The following MANF variants were observed in gnomAD, a reference collection of about 807,000 sequenced individuals.
MANF encodes the protein mesencephalic astrocyte-derived neurotrophic factor.
MANF carries 9 observed loss-of-function variants against 19.1 expected under a neutral mutation model. The observed-to-expected ratio is 0.47, with a 90% CI of 0.28 to 0.82. MANF has a LOEUF of 0.82. MANF is among the 40% of genes least tolerant of loss of function. The probability of loss-of-function intolerance (pLI) is 0.10; values close to 1 mark genes in which losing one functional copy is unlikely to be tolerated. For missense variants in MANF, 225 were observed against 226.7 expected (o/e 0.99, Z 0.05); for synonymous variants, 89 against 88.0 (o/e 1.01, Z -0.06).
chr3:51,386,039 G>A, intron 1 of MANF, 169 bp from the exon 2 acceptor site: 1 of 671,138 alleles, frequency 1.5e-6, no homozygotes, highest in Non-Finnish European at 2.5e-6. Flanking sequence ...CCGCCACTTG[G>A]AACCGGGTTC....
At chr3:51,386,487 G>A (rs1381720224) in intron 2 of MANF, among the ~76,000 whole-genome samples, 152 bp downstream of exon 2, 2 of 152,200 alleles carry the variant, frequency 1.3e-5, no homozygotes, top group African/African-American at 4.8e-5. Flanking sequence ...GTGCTTCTAT[G>A]TCCTTCCCAA....
chr3:51,385,763 G>T, intron 1 of MANF: 1 of 295,498 alleles, frequency 3.4e-6, no homozygotes, highest in Non-Finnish European at 6.2e-6. Flanking sequence ...GGAGCTCCAG[G>T]GCTGGCCGTG....
intron 3 of MANF, 86 bp from the exon 4 acceptor site, chr3:51,388,819 C>T: frequency 3.9e-6 from 4 of 1,033,598 alleles, no homozygotes; most frequent in South Asian, 3.6e-5. Context: ...GCTGGTTTGG[C>T]CGTTCAGGGA....
At position 51,388,887 on chromosome 3, in the gene MANF, C is replaced by T. The variant is rs1553621144; in HGVS notation, c.365-18C>T. 1 of 1,546,620 alleles carries T rather than the reference C, an allele frequency of 6.5e-7. No homozygotes were observed. The highest frequency in any genetic ancestry group is 2.0e-5 in the Admixed American group (1 of 50,026). On this transcript the variant is annotated intron_variant, in intron 3 of 3. Coordinates refer to ENST00000528157, the MANE Select transcript of MANF (RefSeq NM_006010.6). The stretch of plus-strand genomic sequence containing the variant: ...GGTGCTCCACCCAGTCAGTGACTCT[C>T]CCTGCTCTCTCCTCCAGACAAGCAG...
chr3:51,388,430 C>G (rs916327866), intron 3 of MANF, among the ~76,000 whole-genome samples: 26 of 152,198 alleles, frequency 1.7e-4, no homozygotes, highest in African/African-American at 6.3e-4. Context: ...AGGGCCTCTT[C>G]TGAAAAACTT....
intron 3 of MANF, 83 bp downstream of exon 3, chr3:51,387,961 A>G: frequency 7.2e-7 from 1 of 1,383,956 alleles, no homozygotes; most frequent in Non-Finnish European, 1.0e-6. Flanking sequence ...ATGATGAGCT[A>G]GAGTCATGAG....
At position 51,385,310 on chromosome 3, in the gene MANF, C is replaced by CGGA. The variant is rs1553620634; in HGVS notation, c.-11_-9dup. 4,139 of 1,153,300 alleles carry CGGA rather than the reference C, an allele frequency of 3.6e-3. 7 individuals are homozygous for CGGA. The highest frequency in any genetic ancestry group is 6.2e-3 in the East Asian group (194 of 31,052). The allele number at this position is 1,153,300 out of a possible 1,614,324, so 71.4% of individuals were successfully genotyped here. A position where few individuals can be genotyped will look rare whatever the true frequency, so the allele number is the denominator to read the frequency against. On this transcript the variant is annotated 5_prime_UTR_variant, in exon 1 of 4. In the 5' UTR this introduces an upstream ATG that the reference lacks. Transcript: ENST00000528157. ...CGGTTCAGTCGGTCGGCGGCGGCAG[C>CGGA]GGAGGAGGAGGAGGAGGAGGAGGAT...
Position 51,386,300 on chromosome 3 carries a change from T to A in MANF, c.187T>A (p.Phe63Ile). 1 of 1,613,946 alleles carries A rather than the reference T, an allele frequency of 6.2e-7. No individual in the cohort carries two copies. Among genetic ancestry groups the A allele is most frequent in the Non-Finnish European group, 8.5e-7 (1 of 1,179,872 alleles). Residue 63 changes from phenylalanine (F) to isoleucine (I), a missense_variant, in exon 2 of 4, where the codon TTC becomes ATC. Phe to Ile is a conservative substitution (Grantham distance 21). Coordinates refer to ENST00000528157, the MANE Select transcript of MANF (RefSeq NM_006010.6). ...CACTATTGAAAACGAACTTATAAAG[T>A]TCTGCCGGGAAGCAAGAGGCAAAGA... ...PATIENELIK[F>I]CREARGKENR...
At chr3:51,387,448 CAAAACTTTATCTCAAAAA>C (rs1553621025) in intron 2 of MANF, among the ~76,000 whole-genome samples, 3 of 146,626 alleles carry the variant, frequency 2.0e-5, no homozygotes, top group Non-Finnish European at 4.5e-5. Context: ...GGTGACAGAG[CAAAACTTTATCTCAAAAA>C]AAAAAAAAAA....
intron 2 of MANF, among the ~76,000 whole-genome samples, chr3:51,387,461 CAAA>C (rs111442102): frequency 7.4e-6 from 1 of 135,318 alleles, no homozygotes. Context: ...AACTTTATCT[CAAA>C]AAAAAAAAAA....
intron 1 of MANF, chr3:51,385,918 G>A: frequency 2.6e-6 from 1 of 380,256 alleles, no homozygotes. Flanking sequence ...CCCGTCTCAA[G>A]GACACGTGTT....
Position 51,386,251 on chromosome 3 carries a change from CAG to C in MANF, c.142_143del (p.Asp48CysfsTer9). 6.2e-7 allele frequency: 1 copy of C among 1,613,722 alleles called. No individual in the cohort carries two copies. The highest frequency in any genetic ancestry group is 8.5e-7 in the Non-Finnish European group (1 of 1,179,716). On this transcript the variant is annotated frameshift_variant, in exon 2 of 4. Coordinates refer to ENST00000528157, the MANE Select transcript of MANF (RefSeq NM_006010.6). LOFTEE classifies it high-confidence loss of function. ...GAAGATTTTACCAGGACCTCAAAGA[CAG>C]AGATGTCACATTCTCACCAGCCACT... ...LGRFYQDLKD[R>X]DVTFSPATIE... is the part of the protein sequence containing the mutation.
In MANF at chr3:51,386,315, A is replaced by G. The variant is rs782528554; in HGVS notation, c.202A>G (p.Arg68Gly). Residue 68 changes from arginine (R) to glycine (G), a missense_variant, in exon 2 of 4, where the codon AGA (arginine) becomes GGA (glycine). By Grantham distance (125) the Arg-to-Gly change is moderately radical. Coordinates refer to ENST00000528157, the MANE Select transcript of MANF (RefSeq NM_006010.6). The part of the protein sequence containing the change: ...NELIKFCREA[R>G]GKENRLCYYI... ...ACTTATAAAGTTCTGCCGGGAAGCA[A>G]GAGGCAAAGAGAATCGGTTGGTAAG... 55 of 1,613,810 alleles carry G rather than the reference A, an allele frequency of 3.4e-5. 1 individual carries two copies. The South Asian group carries it at 4.8e-4, about 14-fold the overall frequency.
chr3:51,385,326 GGAGGAGGATGAGGAGGAT>G lies in MANF; in HGVS notation c.-6_12del, dbSNP rs782289304. On this transcript the variant is annotated start_lost and 5_prime_UTR_variant, in exon 1 of 4. Coordinates refer to ENST00000528157, the MANE Select transcript of MANF (RefSeq NM_006010.6). ...CGGCGGCAGCGGAGGAGGAGGAGGA[GGAGGAGGATGAGGAGGAT>G]GAGGAGGATGTGGGCCACGCAGGGG... 5.8e-6 allele frequency: 7 copies of G among 1,203,162 alleles called. No individual in the cohort carries two copies. Among genetic ancestry groups the G allele is most frequent in the Admixed American group, 8.5e-5 (2 of 23,544 alleles). The allele number at this position is 1,203,162 out of a possible 1,614,324, so 74.5% of individuals were successfully genotyped here.
Position 51,385,401 on chromosome 3 carries a change from C to T in MANF, c.59C>T (p.Pro20Leu), listed in dbSNP as rs868972658. 8.9e-6 allele frequency: 11 copies of T among 1,237,534 alleles called. No individual in the cohort carries two copies. In the South Asian group the frequency reaches 1.6e-4, roughly 18 times the overall value. The allele number at this position is 1,237,534 out of a possible 1,614,324, so 76.7% of individuals were successfully genotyped here. ...LAVALALSVL[P>L]GSRALRPGDC... is the part of the protein sequence containing the mutation. Reference sequence around the variant, plus strand: ...GTGGCGCTGGCTCTGAGCGTGCTGCCGGGCAGCCGGGCGCTGCGGCCGGGC... The same window carrying T: ...GTGGCGCTGGCTCTGAGCGTGCTGCTGGGCAGCCGGGCGCTGCGGCCGGGC... Residue 20 changes from proline to leucine, a missense_variant, in exon 1 of 4, where the codon CCG (proline) becomes CTG (leucine). Coordinates refer to ENST00000528157, the MANE Select transcript of MANF (RefSeq NM_006010.6).
chr3:51,387,869 C>T lies in MANF; in HGVS notation c.355C>T (p.Leu119Phe). 6.2e-7 allele frequency: 1 copy of T among 1,613,602 alleles called. No homozygotes were observed. The highest frequency in any genetic ancestry group is 8.5e-7 in the Non-Finnish European group (1 of 1,179,670). ...GAAGAAGGACAGCCAGATATGTGAGCTTAAGTATGGTGAGTATGCCTAGTC... is the reference window on the plus strand; with the variant it reads ...GAAGAAGGACAGCCAGATATGTGAGTTTAAGTATGGTGAGTATGCCTAGTC... ...LKKKDSQICE[L>F]KYDKQIDLST... is the part of the protein sequence containing the mutation. Residue 119 changes from leucine (L) to phenylalanine (F), a missense_variant, in exon 3 of 4, where the codon CTT becomes TTT. Physicochemically the swap from Leu to Phe is conservative, Grantham distance 22 (BLOSUM62 0). Coordinates refer to ENST00000528157, the MANE Select transcript of MANF (RefSeq NM_006010.6).
Position 51,385,323 on chromosome 3 carries a change from G to GGAGGAGGAGGAT in MANF, c.-11_1dup, listed in dbSNP as rs1446035258. On this transcript the variant is annotated 5_prime_UTR_variant, in exon 1 of 4. The change creates a new upstream start codon in the 5' untranslated region. Coordinates refer to ENST00000528157, the MANE Select transcript of MANF (RefSeq NM_006010.6). ...CGGCGGCGGCAGCGGAGGAGGAGGAGGAGGAGGAGGATGAGGAGGATGAGG... is the reference window on the plus strand; with the variant it reads ...CGGCGGCGGCAGCGGAGGAGGAGGAGGAGGAGGAGGATGAGGAGGAGGATGAGGAGGATGAGG... 1 of 1,226,684 alleles carries GGAGGAGGAGGAT rather than the reference G, an allele frequency of 8.2e-7. No individual in the cohort carries two copies. The highest frequency in any genetic ancestry group is 1.0e-6 in the Non-Finnish European group (1 of 979,898). The allele number at this position is 1,226,684 out of a possible 1,614,324, so 76.0% of individuals were successfully genotyped here. A position where few individuals can be genotyped will look rare whatever the true frequency, so the allele number is the denominator to read the frequency against.
Position 51,389,069 on chromosome 3 carries a change from A to G in MANF, c.529A>G (p.Ser177Gly). 1 of 1,612,714 alleles carries G rather than the reference A, an allele frequency of 6.2e-7. No homozygotes were observed. Among genetic ancestry groups the G allele is most frequent in the Non-Finnish European group, 8.5e-7 (1 of 1,179,394 alleles). The change falls in exon 4 of 4, where the codon AGT (serine) becomes GGT (glycine). Residue 177 changes from serine to glycine, a missense_variant. By Grantham distance (56) the Ser-to-Gly change is moderately conservative (BLOSUM62 0). Transcript: ENST00000528157. ...GCCTAAATATGCCCCCAAGGCAGCC[A>G]GTGCACGGACCGATTTGTAGTCTGC... ...LMPKYAPKAASARTDL is the reference protein window; with the variant it reads ...LMPKYAPKAAGARTDL
chr3:51,385,332 GGAT>G lies in MANF; in HGVS notation c.-8_-6del, dbSNP rs61570769. 0.015 allele frequency: 16,302 copies of G among 1,094,178 alleles called. 150 individuals carry two copies. Among genetic ancestry groups the G allele is most frequent in the African/African-American group, 0.037 (2,309 of 62,008 alleles). 67.8% of individuals were successfully genotyped at this position (1,094,178 alleles called of 1,614,324 possible). ...CAGCGGAGGAGGAGGAGGAGGAGGAGGATGAGGAGGATGAGGAGGATGTGGGCC... is the reference window on the plus strand; with the variant it reads ...CAGCGGAGGAGGAGGAGGAGGAGGAGGAGGAGGATGAGGAGGATGTGGGCC... On this transcript the variant is annotated 5_prime_UTR_variant, in exon 1 of 4. The change abolishes an upstream ATG in the 5' untranslated region. Coordinates refer to ENST00000528157, the MANE Select transcript of MANF (RefSeq NM_006010.6).
Sources: allele counts gnomAD v4.1 joint callset (sites outside exome capture counted in the v4.1 genomes callset), GRCh38; gene constraint gnomAD v4.1.1; transcripts MANE v1.5; gene names NCBI Gene and HGNC (gene_info 2026-07-23, HGNC 2026-07-21).